The following DCC variants were observed in gnomAD, a reference collection of about 807,000 sequenced individuals.
DCC encodes netrin receptor DCC.
In DCC, 58 loss-of-function variants were observed where a neutral mutation model predicts 172.5. The observed-to-expected ratio is 0.34, with a 90% CI of 0.27 to 0.42. DCC has a LOEUF of 0.42. DCC is among the 10% of genes least tolerant of loss of function. The pLI is 1.00. For missense variants in DCC, 1,740 were observed against 1,791.0 expected (o/e 0.97, Z 0.51); for synonymous variants, 709 against 644.5 (o/e 1.10, Z -1.52).
intron 7 of DCC, among the ~76,000 whole-genome samples, chr18:53,097,426 T>G (rs1441370155): frequency 2.6e-5 from 4 of 152,226 alleles, no homozygotes; most frequent in African/African-American, 9.6e-5. Flanking sequence ...TAAAATTATG[T>G]GCCTAACTTC....
chr18:53,069,621 A>AAC, intron 7 of DCC, among the ~76,000 whole-genome samples: 1 of 96,384 alleles, frequency 1.0e-5, no homozygotes, highest in Non-Finnish European at 1.8e-5. Context: ...CCACAAAAAC[A>AAC]AAAAAAAAAA....
intron 1 of DCC, among the ~76,000 whole-genome samples, chr18:52,698,887 G>A (rs1187747852): frequency 2.6e-5 from 4 of 151,830 alleles, no homozygotes; most frequent in African/African-American, 9.7e-5. Flanking sequence ...GGGATTACAG[G>A]TGTGGGCCAC....
intron 12 of DCC, among the ~76,000 whole-genome samples, chr18:53,275,136 T>C (rs2144715443): frequency 6.6e-6 from 1 of 152,238 alleles, no homozygotes; most frequent in South Asian, 2.1e-4. Flanking sequence ...ATGTCAGCTA[T>C]GCAGAAGAGT....
At chr18:53,384,744 T>G (rs946506351) in intron 15 of DCC, among the ~76,000 whole-genome samples, 2 of 152,078 alleles carry the variant, frequency 1.3e-5, no homozygotes, top group Non-Finnish European at 2.9e-5. Flanking sequence ...TTCTTGGGTG[T>G]TTTCTTCTAC....
intron 5 of DCC, among the ~76,000 whole-genome samples, chr18:52,988,752 C>T (rs1170520308): frequency 6.6e-6 from 1 of 151,804 alleles, no homozygotes; most frequent in Non-Finnish European, 1.5e-5. Flanking sequence ...TTTGCTGTAA[C>T]CTTTATATAT....
intron 25 of DCC, among the ~76,000 whole-genome samples, chr18:53,468,609 C>T (rs1239343223): frequency 6.6e-6 from 1 of 152,056 alleles, no homozygotes; most frequent in African/African-American, 2.4e-5. Flanking sequence ...TCTCTAGCTC[C>T]TGACCTCATG....
chr18:53,299,430 T>A (rs2057105964), intron 12 of DCC, among the ~76,000 whole-genome samples: 1 of 152,186 alleles, frequency 6.6e-6, no homozygotes. Context: ...CTTGACGTTG[T>A]CCTTACATCT....
chr18:53,348,928 C>T (rs1444336954), intron 15 of DCC, among the ~76,000 whole-genome samples: 1 of 152,152 alleles, frequency 6.6e-6, no homozygotes, highest in African/African-American at 2.4e-5. Context: ...GACCTCTGAC[C>T]AGCCCTGGAG....
At chr18:52,673,049 C>T (rs577542805) in intron 1 of DCC, among the ~76,000 whole-genome samples, 1 of 152,112 alleles carries the variant, frequency 6.6e-6, no homozygotes, top group East Asian at 1.9e-4. Context: ...GGCTACAGAG[C>T]GAGACCCTGT....
At chr18:52,700,305 C>T (rs544524556) in intron 1 of DCC, among the ~76,000 whole-genome samples, 23 of 116,766 alleles carry the variant, frequency 2.0e-4, no homozygotes, top group African/African-American at 6.4e-4. Flanking sequence ...TCCACACACA[C>T]ATGCACACAT....
rs1167551074 is a variant in DCC at position 53,086,150 on chromosome 18, C to T, written c.1261+19984C>T. On this transcript the variant is annotated intron_variant, in intron 7 of 28. Transcript: ENST00000442544. Reference sequence around the variant, plus strand: ...TCCTCCTCCTCCTCCTCCTCCTCCTCCTCTTCCTCTTCTCTTCCTCTTCTC... The same window carrying T: ...TCCTCCTCCTCCTCCTCCTCCTCCTTCTCTTCCTCTTCTCTTCCTCTTCTC... Among the ~76,000 whole-genome samples the T allele has an allele frequency of 3.2e-4, 11 of 34,220 alleles. 5 individuals are homozygous for T. The African/African-American group carries it at 4.6e-3, about 14-fold the overall frequency. The allele number at this position is 34,220 out of a possible 152,430, so 22.4% of individuals were successfully genotyped here.
chr18:52,961,504 G>A (rs1320314674), intron 5 of DCC, among the ~76,000 whole-genome samples: 1 of 152,070 alleles, frequency 6.6e-6, no homozygotes, highest in Non-Finnish European at 1.5e-5. Context: ...TCAGAACTGA[G>A]CCAGGAAGAG....
At chr18:53,240,049 A>C (rs1417216580) in intron 12 of DCC, among the ~76,000 whole-genome samples, 78 of 145,132 alleles carry the variant, frequency 5.4e-4, no homozygotes, top group East Asian at 9.8e-4. Context: ...AAAAAAAAAA[A>C]ACAACAAAAC....
At chr18:52,438,204 G>A (rs1393501893) in intron 1 of DCC, among the ~76,000 whole-genome samples, 1 of 152,104 alleles carries the variant, frequency 6.6e-6, no homozygotes, top group African/African-American at 2.4e-5. Context: ...ACTCCACTGG[G>A]TTCTCAACTG....
At chr18:52,784,684 AAT>A (rs1000631599) in intron 2 of DCC, among the ~76,000 whole-genome samples, 3 of 151,806 alleles carry the variant, frequency 2.0e-5, no homozygotes, top group African/African-American at 7.3e-5. Context: ...AAATTTTTTA[AAT>A]ATGTTTTGGC....
At chr18:52,513,060 C>T (rs1048233985) in intron 1 of DCC, among the ~76,000 whole-genome samples, 1 of 152,140 alleles carries the variant, frequency 6.6e-6, no homozygotes, top group Admixed American at 6.5e-5. Context: ...GAGAACTGCT[C>T]TTGCTCCTCT....
intron 13 of DCC, among the ~76,000 whole-genome samples, chr18:53,308,465 ATT>A (rs1476653416): frequency 2.8e-4 from 31 of 111,184 alleles, no homozygotes; most frequent in Admixed American, 8.5e-4. Context: ...AGTTAAAAAT[ATT>A]ACAATTTTTG....
At chr18:52,430,680 G>A (rs1987592047) in intron 1 of DCC, among the ~76,000 whole-genome samples, 1 of 152,166 alleles carries the variant, frequency 6.6e-6, no homozygotes. Context: ...GAATAAGCCA[G>A]TTTATGTTTG....
At chr18:53,116,558 T>C (rs1045541946) in intron 7 of DCC, among the ~76,000 whole-genome samples, 5 of 151,730 alleles carry the variant, frequency 3.3e-5, no homozygotes, top group Admixed American at 1.3e-4. Context: ...TTAACTAGGA[T>C]AGGTTCATCT....
Sources: gnomAD v4.1 joint callset for allele counts (sites outside exome capture counted in the v4.1 genomes callset) on GRCh38, gnomAD v4.1.1 for gene constraint, MANE v1.5 for transcripts, NCBI Gene and HGNC (gene_info 2026-07-23, HGNC 2026-07-21) for gene names.